The following MYO9A variants were observed in gnomAD, a reference collection of about 807,000 sequenced individuals.
MYO9A encodes the protein myosin IXA.
A neutral mutation model predicts 293.3 loss-of-function variants in MYO9A; 103 were observed. The observed-to-expected ratio is 0.35, with a 90% CI of 0.30 to 0.41. The LOEUF (loss-of-function observed/expected upper bound fraction) is 0.41, where lower values mean the gene tolerates loss of function less well. MYO9A is among the 10% of genes least tolerant of loss of function. The probability of loss-of-function intolerance (pLI) is 1.00; values close to 1 mark genes in which losing one functional copy is unlikely to be tolerated. For missense variants in MYO9A, 2,685 were observed against 3,033.0 expected, an observed-to-expected ratio of 0.89 and a Z score of 2.69; for synonymous variants, 1,001 against 1,035.7, an observed-to-expected ratio of 0.97 and a Z score of 0.64.
At chr15:71,948,776 C>T (rs2058980840) in intron 15 of MYO9A, among the ~76,000 whole-genome samples, 1 of 152,164 alleles carries the variant, frequency 6.6e-6, no homozygotes, top group Non-Finnish European at 1.5e-5. Flanking sequence ...AAATGTATTT[C>T]ACCTTCATTT....
upstream of MYO9A, chr15:72,118,190 C>T (rs1295184393): frequency 1.1e-5 from 4 of 360,266 alleles, no homozygotes; most frequent in Non-Finnish European, 5.0e-6. Flanking sequence ...ACGGGTCGGC[C>T]CCGCCCTGTC....
intron 1 of MYO9A, among the ~76,000 whole-genome samples, chr15:72,091,974 C>A (rs2079928163): frequency 6.6e-6 from 1 of 152,134 alleles, no homozygotes; most frequent in African/African-American, 2.4e-5. Context: ...CCTTGGCCTC[C>A]CAAAGTGCTG....
chr15:72,062,287 A>T (rs2078899804), intron 1 of MYO9A, among the ~76,000 whole-genome samples: 1 of 152,228 alleles, frequency 6.6e-6, no homozygotes, highest in South Asian at 2.1e-4. Context: ...TAACTCTTCA[A>T]TGCCCAGACA....
chr15:72,072,277 GC>G, intron 1 of MYO9A, among the ~76,000 whole-genome samples: 1 of 151,820 alleles, frequency 6.6e-6, no homozygotes, highest in African/African-American at 2.4e-5. Flanking sequence ...GACTACAGGC[GC>G]CCGCCACCAC....
chr15:71,862,380 A>T (rs1377094368), intron 33 of MYO9A, 120 bp downstream of exon 33: 2 of 723,224 alleles, frequency 2.8e-6, no homozygotes, highest in African/African-American at 1.8e-5. Flanking sequence ...ATAGCAAGAG[A>T]TGAGGTTAAA....
rs1464821721 is a variant in MYO9A at position 71,898,036 on chromosome 15, C to T, written c.4467G>A (p.Lys1489=). 1.9e-6 allele frequency: 3 copies of T among 1,614,000 alleles called. No homozygotes were observed. In the African/African-American group the frequency reaches 4.0e-5, roughly 22 times the overall value. The change falls in exon 25 of 42, where the codon AAG becomes AAA. Residue 1489 remains lysine, a synonymous_variant. Transcript: ENST00000356056. ...NTESSNPVLK[K]LEKLNTEKEE... is the part of the protein sequence containing the mutation. ...CCTTCTCAGTGTTTAGCTTTTCTAACTTCTTAAGCACAGGATTAGAAGACT... is the reference window on the plus strand; with the variant it reads ...CCTTCTCAGTGTTTAGCTTTTCTAATTTCTTAAGCACAGGATTAGAAGACT...
intron 15 of MYO9A, among the ~76,000 whole-genome samples, chr15:71,945,001 C>T (rs188400455): frequency 6.6e-6 from 1 of 152,028 alleles, no homozygotes; most frequent in Non-Finnish European, 1.5e-5. Flanking sequence ...TAGTGCACAA[C>T]TCTTAAACAT....
At chr15:71,847,387 T>C (rs1308500361) in intron 39 of MYO9A, 2 of 446,676 alleles carry the variant, frequency 4.5e-6, no homozygotes, top group South Asian at 1.6e-5. Flanking sequence ...GTAGAGTGGC[T>C]GTGACACATT....
intron 22 of MYO9A, 30 bp from the exon 23 acceptor site, chr15:71,901,370 A>G (rs765320428): frequency 6.3e-7 from 1 of 1,585,792 alleles, no homozygotes; most frequent in South Asian, 1.2e-5. Flanking sequence ...TGAGGAATGC[A>G]GCTTAAGAAG....
intron 1 of MYO9A, among the ~76,000 whole-genome samples, chr15:72,048,682 C>G (rs180818929): frequency 1.4e-3 from 210 of 151,996 alleles, no homozygotes; most frequent in African/African-American, 4.4e-3. Context: ...ATGTGTTGTT[C>G]TTTACAAATT....
intron 13 of MYO9A, among the ~76,000 whole-genome samples, chr15:71,962,491 T>C (rs964564308): frequency 1.3e-5 from 2 of 152,178 alleles, no homozygotes; most frequent in African/African-American, 4.8e-5. Flanking sequence ...AGCAAACGTA[T>C]GTATTATAAA....
intron 15 of MYO9A, among the ~76,000 whole-genome samples, chr15:71,944,818 T>G (rs1476401353): frequency 6.6e-6 from 1 of 152,174 alleles, no homozygotes; most frequent in Non-Finnish European, 1.5e-5. Context: ...AGTCTGGGTA[T>G]TCTACATTTC....
chr15:71,903,892 G>A, intron 21 of MYO9A, 37 bp downstream of exon 21: 3 of 1,506,638 alleles, frequency 2.0e-6, no homozygotes, highest in East Asian at 2.3e-5. Flanking sequence ...TTTACTTGAT[G>A]TGTCTAAATA....
At chr15:71,975,586 TTCTC>T (rs1387043722) in intron 12 of MYO9A, among the ~76,000 whole-genome samples, 2 of 152,118 alleles carry the variant, frequency 1.3e-5, no homozygotes, top group Non-Finnish European at 2.9e-5. Context: ...AACAGAATCT[TTCTC>T]TCTAACCTCC....
At chr15:72,037,909 A>C (rs1362328076) in intron 2 of MYO9A, among the ~76,000 whole-genome samples, 2 of 150,282 alleles carry the variant, frequency 1.3e-5, no homozygotes, top group Admixed American at 1.3e-4. Context: ...AAAGACTATC[A>C]GCTTTTTTTT....
At chr15:71,926,164 G>A (rs2058308932) in intron 18 of MYO9A, among the ~76,000 whole-genome samples, 1 of 152,178 alleles carries the variant, frequency 6.6e-6, no homozygotes, top group African/African-American at 2.4e-5. Context: ...CTGCCTCAGT[G>A]ACTTAGGCTA....
chr15:72,069,176 T>G (rs981254043), intron 1 of MYO9A, among the ~76,000 whole-genome samples: 1 of 152,206 alleles, frequency 6.6e-6, no homozygotes, highest in Non-Finnish European at 1.5e-5. Flanking sequence ...AGACCAAGAC[T>G]TCTAACCTAA....
At chr15:72,033,377 A>C (rs972175537) in intron 2 of MYO9A, among the ~76,000 whole-genome samples, 1 of 152,200 alleles carries the variant, frequency 6.6e-6, no homozygotes, top group Admixed American at 6.5e-5. Context: ...ACTATACTTT[A>C]TTATGCCTAT....
intron 4 of MYO9A, among the ~76,000 whole-genome samples, chr15:72,022,960 G>A (rs2077548402): frequency 6.6e-6 from 1 of 152,098 alleles, no homozygotes; most frequent in African/African-American, 2.4e-5. Flanking sequence ...AACTGTCCCT[G>A]AAAAAACCCA....
Sources: gnomAD v4.1 joint callset for allele counts (sites outside exome capture counted in the v4.1 genomes callset) on GRCh38, gnomAD v4.1.1 for gene constraint, MANE v1.5 for transcripts, NCBI Gene and HGNC (gene_info 2026-07-23, HGNC 2026-07-21) for gene names.